The following NUP42 variants were observed in gnomAD, a reference collection of about 807,000 sequenced individuals.
The protein encoded by NUP42 is nucleoporin NUP42.
NUP42 carries 47 observed loss-of-function variants against 35.9 expected under a neutral mutation model. The ratio of observed to expected loss-of-function variants is 1.31; its 90% CI spans 1.04 to 1.67. The LOEUF (loss-of-function observed/expected upper bound fraction) is 1.67. NUP42 is among the 40% of genes most tolerant of loss of function. The pLI is 0.00. For synonymous variants in NUP42, 173 were observed against 173.3 expected, an observed-to-expected ratio of 1.00 and a Z score of 0.01; for missense variants, 514 against 492.2, an observed-to-expected ratio of 1.04 and a Z score of -0.42.
In NUP42 at chr7:23,200,211, T is replaced by C. The variant is rs745518385; in HGVS notation, c.738T>C (p.Phe246=). 1 of 1,603,500 alleles carries C rather than the reference T, an allele frequency of 6.2e-7. No homozygotes were observed. The highest frequency in any genetic ancestry group is 8.5e-7 in the Non-Finnish European group (1 of 1,173,618). The change falls in exon 7 of 7, where the codon TTT becomes TTC. Residue 246 remains phenylalanine (F), a synonymous_variant. Transcript: ENST00000258742. The part of the protein sequence containing the change: ...NNSSSDNAQN[F]SFKTNSGFAA... ...GCAGCAGTGATAATGCTCAGAACTT[T>C]AGTTTTAAAACAAACTCTGGATTTG...
intron 3 of NUP42, among the ~76,000 whole-genome samples, chr7:23,192,839 T>C (rs1310856131): frequency 6.6e-6 from 1 of 152,168 alleles, no homozygotes; most frequent in African/African-American, 2.4e-5. Flanking sequence ...TCTATGTGTG[T>C]ATATATGTAT....
chr7:23,183,206 T>A (rs1785475539), intron 1 of NUP42, among the ~76,000 whole-genome samples: 1 of 152,150 alleles, frequency 6.6e-6, no homozygotes, highest in Admixed American at 6.5e-5. Context: ...CTGTCTCCCT[T>A]CCTTCCCCTC....
At chr7:23,196,605 A>C in intron 4 of NUP42, 75 bp from the exon 5 acceptor site, 1 of 1,059,982 alleles carries the variant, frequency 9.4e-7, no homozygotes, top group Non-Finnish European at 1.4e-6. Flanking sequence ...GCAAAGAAGT[A>C]TGTGAAGTTT....
At chr7:23,194,288 T>G (rs982830870) in intron 3 of NUP42, 1 of 152,708 alleles carries the variant, frequency 6.5e-6, no homozygotes, top group African/African-American at 2.4e-5. Context: ...CTGTCACCTC[T>G]CACCTATACA....
At chr7:23,193,754 G>T (rs1583771937) in intron 3 of NUP42, among the ~76,000 whole-genome samples, 1 of 152,224 alleles carries the variant, frequency 6.6e-6, no homozygotes, top group South Asian at 2.1e-4. Flanking sequence ...TTGGGTGGTC[G>T]ATGGGACTGG....
intron 3 of NUP42, among the ~76,000 whole-genome samples, chr7:23,192,966 C>G (rs1318277452): frequency 1.3e-5 from 2 of 152,030 alleles, no homozygotes; most frequent in African/African-American, 2.4e-5. Context: ...TTTGTTCCTT[C>G]TGATGTTCAG....
intron 6 of NUP42, among the ~76,000 whole-genome samples, 173 bp downstream of exon 6, chr7:23,199,715 T>A (rs1786143864): frequency 1.3e-5 from 2 of 152,210 alleles, no homozygotes; most frequent in Non-Finnish European, 1.5e-5. Flanking sequence ...GAGGCCAGAT[T>A]GGGCATGTTC....
chr7:23,194,134 G>A (rs1785923171), intron 3 of NUP42, among the ~76,000 whole-genome samples: 1 of 152,172 alleles, frequency 6.6e-6, no homozygotes, highest in African/African-American at 2.4e-5. Flanking sequence ...CAAGCTGAGG[G>A]AGCCAGCTCA....
At chr7:23,185,458 G>A (rs1785559582) in intron 2 of NUP42, among the ~76,000 whole-genome samples, 160 bp downstream of exon 2, 1 of 152,018 alleles carries the variant, frequency 6.6e-6, no homozygotes, top group South Asian at 2.1e-4. Context: ...GCAAAAAGAA[G>A]AAAAATCACC....
intron 3 of NUP42, chr7:23,187,999 T>A: frequency 1.0e-6 from 1 of 991,116 alleles, no homozygotes; most frequent in Admixed American, 2.7e-5. Context: ...TCTCTTTTTT[T>A]ATTTTTTATT....
chr7:23,192,029 AAAT>A (rs1289371533), intron 3 of NUP42, among the ~76,000 whole-genome samples: 3 of 152,188 alleles, frequency 2.0e-5, no homozygotes, highest in African/African-American at 4.8e-5. Flanking sequence ...AATAAAATAA[AAAT>A]AACCTGATAT....
chr7:23,188,511 C>T, intron 3 of NUP42: 1 of 985,324 alleles, frequency 1.0e-6, no homozygotes. Flanking sequence ...GCCTGTTGCC[C>T]TAAAGCAGTG....
At chr7:23,183,755 A>T (rs1024764164) in intron 1 of NUP42, among the ~76,000 whole-genome samples, 2 of 92,404 alleles carry the variant, frequency 2.2e-5, no homozygotes, top group South Asian at 3.4e-4. Flanking sequence ...AAAGCAATGT[A>T]AAAAAAAAAA....
intron 5 of NUP42, among the ~76,000 whole-genome samples, chr7:23,199,005 A>T (rs1786112977): frequency 6.6e-6 from 1 of 152,184 alleles, no homozygotes; most frequent in East Asian, 1.9e-4. Context: ...TATTCATATT[A>T]CTAGTTGTGA....
chr7:23,192,561 A>AAG (rs1785835539), intron 3 of NUP42, among the ~76,000 whole-genome samples: 1 of 148,322 alleles, frequency 6.7e-6, no homozygotes, highest in African/African-American at 2.6e-5. Context: ...AAAAAAAAAA[A>AAG]AAGAAAAAGA....
rs150907740 is a variant in NUP42 at position 23,192,414 on chromosome 7, G to A, written c.446-3425G>A. Among the ~76,000 whole-genome samples, 1,257 of 151,926 alleles carry A rather than the reference G, an allele frequency of 8.3e-3. 31 individuals are homozygous for A. The highest frequency in any genetic ancestry group is 5.1e-3 in the Non-Finnish European group (347 of 67,958). On this transcript the variant is annotated intron_variant, in intron 3 of 6. Coordinates refer to ENST00000258742, the MANE Select transcript of NUP42 (RefSeq NM_007342.3). ...CAAAAAAAATTAGCCGGGCTTGGTG[G>A]TGCATGCCTGTAATCCCAACTACTG...
At chr7:23,189,056 G>T (rs2128473249) in intron 3 of NUP42, among the ~76,000 whole-genome samples, 1 of 152,326 alleles carries the variant, frequency 6.6e-6, no homozygotes, top group Non-Finnish European at 1.5e-5. Context: ...CACAAAAAGT[G>T]TGTCTGCCCC....
In NUP42 at chr7:23,185,362, GTTGT is replaced by G; in HGVS notation, c.350+67_350+70del. The stretch of plus-strand genomic sequence containing the variant: ...TTATGTTTTTTCACCTACAATCTTT[GTTGT>G]TTCTCTTTTTTTGTAACATCTTTTC... On this transcript the variant is annotated intron_variant, in intron 2 of 6. Transcript: ENST00000258742. 3 of 1,083,258 alleles carry G rather than the reference GTTGT, an allele frequency of 2.8e-6. No individual in the cohort carries two copies. The Admixed American group carries it at 6.8e-5, about 24-fold the overall frequency. The allele number at this position is 1,083,258 out of a possible 1,614,324, so 67.1% of individuals were successfully genotyped here. A position where few individuals can be genotyped will look rare whatever the true frequency, so the allele number is the denominator to read the frequency against.
chr7:23,197,136 C>T (rs769607946), intron 5 of NUP42: 14 of 1,044,570 alleles, frequency 1.3e-5, no homozygotes, highest in East Asian at 1.2e-4. Context: ...TATCGTTTTG[C>T]GACTGAAGAA....
Sources: gnomAD v4.1 joint callset for allele counts (sites outside exome capture counted in the v4.1 genomes callset) on GRCh38, gnomAD v4.1.1 for gene constraint, MANE v1.5 for transcripts, NCBI Gene and HGNC (gene_info 2026-07-23, HGNC 2026-07-21) for gene names.